AKT3: variants seen among roughly 807,000 people sequenced by gnomAD.
AKT3 encodes AKT serine/threonine kinase 3, also known as RAC-gamma serine/threonine-protein kinase.
In AKT3, 15 loss-of-function variants were observed where a neutral mutation model predicts 65.3. The observed-to-expected ratio is 0.23, with a 90% CI of 0.15 to 0.35. The LOEUF (loss-of-function observed/expected upper bound fraction) is 0.35. Among genes scored for constraint, AKT3 ranks in the 10% least tolerant of loss-of-function variants. AKT3 has a pLI of 1.00. For synonymous variants in AKT3, 206 were observed against 183.8 expected (o/e 1.12, Z -0.98); for missense variants, 243 against 576.5 (o/e 0.42, Z 5.92).
chr1:243,517,453 T>C (rs1459584954), intron 12 of AKT3, among the ~76,000 whole-genome samples: 3 of 152,238 alleles, frequency 2.0e-5, no homozygotes, highest in African/African-American at 7.2e-5. Context: ...TTTTTCCTTA[T>C]ATTAGTTTTT....
chr1:243,562,628 C>T (rs984854832), intron 10 of AKT3, among the ~76,000 whole-genome samples: 1 of 152,094 alleles, frequency 6.6e-6, no homozygotes, highest in Non-Finnish European at 1.5e-5. Context: ...AGTCTGACTG[C>T]ATTGAAACTG....
chr1:243,842,071 G>A lies in AKT3; in HGVS notation c.46+1054C>T, dbSNP rs543405105. Among the ~76,000 whole-genome samples the A allele has an allele frequency of 7.6e-4, 115 of 152,170 alleles. 1 individual carries two copies. The highest frequency in any genetic ancestry group is 2.5e-3 in the African/African-American group (104 of 41,542). ...GGTTAATGAAAATAACCACTATATC[G>A]TTTTCAGAGTGTTTGTTACACTACT... On this transcript the variant is annotated intron_variant, in intron 2 of 13. Transcript: ENST00000673466.
In AKT3 at chr1:243,848,190, C is replaced by G. The variant is rs890634017; in HGVS notation, c.-113+1850G>C. Reference sequence around the variant, plus strand: ...GCCAATCAAAGATATTGGGGTCAACCCTAGTAAGGAAAACAAAAAGATCTT... The same window carrying G: ...GCCAATCAAAGATATTGGGGTCAACGCTAGTAAGGAAAACAAAAAGATCTT... On this transcript the variant is annotated intron_variant, in intron 1 of 13. Transcript: ENST00000673466. 3.3e-5 allele frequency among the ~76,000 whole-genome samples: 5 copies of G among 152,148 alleles called. No homozygotes were observed. In the East Asian group the frequency reaches 9.6e-4, roughly 29 times the overall value.
intron 4 of AKT3, among the ~76,000 whole-genome samples, chr1:243,656,509 T>C (rs1447921172): frequency 1.3e-5 from 2 of 152,062 alleles, no homozygotes; most frequent in Non-Finnish European, 2.9e-5. Context: ...ATAATAAAAG[T>C]TTGTGATGGG....
Position 243,843,473 on chromosome 1 carries a change from T to C in AKT3, c.-112-191A>G, listed in dbSNP as rs144517960. 3 of 1,083,118 alleles carry C rather than the reference T, an allele frequency of 2.8e-6. No homozygotes were observed. In the African/African-American group the frequency reaches 4.9e-5, roughly 18 times the overall value. The allele number at this position is 1,083,118 out of a possible 1,614,324, so 67.1% of individuals were successfully genotyped here. ...CACTTCCCTAGTCTTGTGACCAATTTCAAATGATAGTGAAACTTTTAACCT... is the reference window on the plus strand; with the variant it reads ...CACTTCCCTAGTCTTGTGACCAATTCCAAATGATAGTGAAACTTTTAACCT... On this transcript the variant is annotated intron_variant, in intron 1 of 13. Coordinates refer to ENST00000673466, the MANE Select transcript of AKT3 (RefSeq NM_005465.7).
intron 12 of AKT3, among the ~76,000 whole-genome samples, chr1:243,544,245 GAA>G (rs377475491): frequency 2.3e-4 from 17 of 73,236 alleles, no homozygotes; most frequent in African/African-American, 6.2e-4. Context: ...GGTAGTGGGG[GAA>G]AAAAAAAAAA....
At chr1:243,505,821 C>A (rs1669632206) in intron 13 of AKT3, among the ~76,000 whole-genome samples, 1 of 152,230 alleles carries the variant, frequency 6.6e-6, no homozygotes, top group Non-Finnish European at 1.5e-5. Context: ...CAACATCTAG[C>A]ATCTGGCTTA....
chr1:243,615,585 T>G (rs1400149818), intron 6 of AKT3, among the ~76,000 whole-genome samples: 3 of 152,130 alleles, frequency 2.0e-5, no homozygotes, highest in Non-Finnish European at 2.9e-5. Context: ...CCAATAAATA[T>G]CAAAGAATTT....
chr1:243,788,903 A>G (rs1691442671), intron 2 of AKT3: 1 of 153,080 alleles, frequency 6.5e-6, no homozygotes, highest in Admixed American at 6.5e-5. Flanking sequence ...GTGTCATACT[A>G]TTTATCCACA....
intron 6 of AKT3, among the ~76,000 whole-genome samples, chr1:243,632,520 T>C (rs745613149): frequency 1.3e-5 from 2 of 152,226 alleles, no homozygotes; most frequent in Non-Finnish European, 2.9e-5. Context: ...AGAGTTACCA[T>C]AATTCTTAAG....
At chr1:243,837,641 T>C (rs1187385801) in intron 2 of AKT3, among the ~76,000 whole-genome samples, 1 of 151,852 alleles carries the variant, frequency 6.6e-6, no homozygotes, top group Non-Finnish European at 1.5e-5. Context: ...AAGGAAAAAA[T>C]CAAATGACCA....
chr1:243,596,214 A>T (rs1286929849), intron 8 of AKT3, among the ~76,000 whole-genome samples: 1 of 152,228 alleles, frequency 6.6e-6, no homozygotes, highest in Non-Finnish European at 1.5e-5. Context: ...GTACACAAAA[A>T]AAGTGAAAAC....
chr1:243,848,948 G>C (rs1695630391), intron 1 of AKT3, among the ~76,000 whole-genome samples: 1 of 152,192 alleles, frequency 6.6e-6, no homozygotes, highest in East Asian at 1.9e-4. Context: ...TCCCAGCTTT[G>C]ACTTGTGGGT....
chr1:243,496,105 T>C (rs942297588), downstream of AKT3, among the ~76,000 whole-genome samples: 4 of 152,242 alleles, frequency 2.6e-5, no homozygotes, highest in Admixed American at 1.3e-4. Context: ...GCTGAGATCA[T>C]TGTGGGCTTG....
intron 6 of AKT3, among the ~76,000 whole-genome samples, chr1:243,623,529 C>A (rs1678922225): frequency 6.6e-6 from 1 of 151,972 alleles, no homozygotes; most frequent in Admixed American, 6.6e-5. Flanking sequence ...CAAATAGGAC[C>A]CAAAAAAGCA....
intron 2 of AKT3, among the ~76,000 whole-genome samples, chr1:243,779,990 A>C (rs966840010): frequency 1.3e-5 from 2 of 152,082 alleles, no homozygotes; most frequent in African/African-American, 4.8e-5. Flanking sequence ...CTTATAGTAA[A>C]AAGCCAACTA....
chr1:243,649,313 A>ATGTG lies in AKT3; in HGVS notation c.285-3280_285-3277dup, dbSNP rs55765060. The stretch of plus-strand genomic sequence containing the variant: ...ATGACCAAGAATATGTTATGTGTAT[A>ATGTG]TGTGTGTGTGTGTGTGTGTGTGTGT... On this transcript the variant is annotated intron_variant, in intron 4 of 13. Coordinates refer to ENST00000673466, the MANE Select transcript of AKT3 (RefSeq NM_005465.7). 8.2e-3 allele frequency among the ~76,000 whole-genome samples: 1,203 copies of ATGTG among 145,954 alleles called. 16 individuals are homozygous for ATGTG. Among genetic ancestry groups the ATGTG allele is most frequent in the African/African-American group, 0.023 (881 of 38,302 alleles).
chr1:243,769,833 C>T (rs1306446925), intron 2 of AKT3, among the ~76,000 whole-genome samples: 1 of 152,130 alleles, frequency 6.6e-6, no homozygotes, highest in Non-Finnish European at 1.5e-5. Flanking sequence ...ATGAAGTATA[C>T]TTTCTTTTTC....
Position 243,718,461 on chromosome 1 carries a change from G to A in AKT3, c.47-22745C>T, listed in dbSNP as rs749005502. Among the ~76,000 whole-genome samples, 3 of 151,120 alleles carry A rather than the reference G, an allele frequency of 2.0e-5. No individual in the cohort carries two copies. In the South Asian group the frequency reaches 6.3e-4, roughly 32 times the overall value. On this transcript the variant is annotated intron_variant, in intron 2 of 13. Transcript: ENST00000673466. The stretch of plus-strand genomic sequence containing the variant: ...TTTTACCTATCTACTGTTTTGTTTT[G>A]TTTTTTTTCAGACAGTCTCTCTCTG...
Sources: gnomAD v4.1 joint callset for allele counts (sites outside exome capture counted in the v4.1 genomes callset) on GRCh38, gnomAD v4.1.1 for gene constraint, MANE v1.5 for transcripts, NCBI Gene and HGNC (gene_info 2026-07-23, HGNC 2026-07-21) for gene names.